Variants in CASP6 observed in about 807,000 individuals in gnomAD.
CASP6 encodes the protein caspase-6.
In CASP6, 20 loss-of-function variants were observed where a neutral mutation model predicts 31.8. The ratio of observed to expected loss-of-function variants is 0.63; its 90% CI spans 0.44 to 0.91. The LOEUF is 0.91. Ranked by LOEUF, CASP6 falls within the 40% of genes least tolerant of loss-of-function variation. CASP6 has a pLI of 0.00. For synonymous variants in CASP6, 130 were observed against 127.8 expected (o/e 1.02, Z -0.12); for missense variants, 328 against 361.1 (o/e 0.91, Z 0.74).
At chr4:109,682,319 G>T in the CASP6 span, among the ~76,000 whole-genome samples, 1 of 114,376 alleles carries the variant, frequency 8.7e-6, no homozygotes. Context: ...TCATTTTTTT[G>T]GTGACTTTTT....
upstream of CASP6, among the ~76,000 whole-genome samples, chr4:109,707,254 G>A (rs572783552): frequency 4.8e-4 from 73 of 152,284 alleles, no homozygotes; most frequent in Non-Finnish European, 7.9e-4. Flanking sequence ...CCCATAGGGG[G>A]TGGCATATAT....
At chr4:109,667,840 TAA>T in the CASP6 span, among the ~76,000 whole-genome samples, 3 of 151,776 alleles carry the variant, frequency 2.0e-5, no homozygotes, top group South Asian at 4.2e-4. Context: ...TAAATTTTGA[TAA>T]GTTGTATTTT....
At chr4:109,677,354 G>A in the CASP6 span, among the ~76,000 whole-genome samples, 1 of 152,118 alleles carries the variant, frequency 6.6e-6, no homozygotes, top group Non-Finnish European at 1.5e-5. Context: ...CTAGATTCTT[G>A]CCCATATCTG....
chr4:109,671,450 A>G, the CASP6 span, among the ~76,000 whole-genome samples: 4 of 152,112 alleles, frequency 2.6e-5, no homozygotes, highest in South Asian at 6.2e-4. Context: ...AGTTTGAGAA[A>G]GTTTCTGTTG....
At chr4:109,705,993 AAAAAAAAAATATATATATAT>A (rs1730591657), upstream of CASP6, among the ~76,000 whole-genome samples, 4 of 67,874 alleles carry the variant, frequency 5.9e-5, no homozygotes, top group African/African-American at 2.4e-4. Context: ...AAAAAAAAAA[AAAAAAAAAATATATATATAT>A]ATATATATAT....
chr4:109,691,082 T>C (rs2126156309), intron 5 of CASP6, 73 bp from the exon 6 acceptor site: 1 of 1,470,212 alleles, frequency 6.8e-7, no homozygotes, highest in Non-Finnish European at 9.1e-7. Context: ...GTGCAGTGAA[T>C]GTGTAAGCCA....
intron 1 of CASP6, among the ~76,000 whole-genome samples, chr4:109,700,380 C>T (rs973686964): frequency 1.3e-5 from 2 of 152,006 alleles, no homozygotes; most frequent in Admixed American, 1.3e-4. Flanking sequence ...ACGTTCTGGC[C>T]GGGCATAGTG....
At chr4:109,673,089 T>G in the CASP6 span, among the ~76,000 whole-genome samples, 2 of 152,230 alleles carry the variant, frequency 1.3e-5, no homozygotes, top group Non-Finnish European at 2.9e-5. Context: ...TCTTTTAACA[T>G]CAGGGCAGTA....
At chr4:109,667,380 C>T in the CASP6 span, among the ~76,000 whole-genome samples, 1 of 151,904 alleles carries the variant, frequency 6.6e-6, no homozygotes, top group Non-Finnish European at 1.5e-5. Flanking sequence ...TAGAGTTGTT[C>T]ATAGTATTTC....
upstream of CASP6, among the ~76,000 whole-genome samples, chr4:109,703,939 T>G (rs1185366413): frequency 6.6e-6 from 1 of 152,200 alleles, no homozygotes; most frequent in Non-Finnish European, 1.5e-5. Flanking sequence ...TATTTCAAAA[T>G]TTTTCATTGT....
chr4:109,682,145 T>G, the CASP6 span, among the ~76,000 whole-genome samples: 2 of 152,202 alleles, frequency 1.3e-5, no homozygotes, highest in Non-Finnish European at 2.9e-5. Flanking sequence ...CAGCTAGGCT[T>G]AGGGATTCTT....
chr4:109,685,131 T>C (rs570403160), downstream of CASP6: 32 of 601,376 alleles, frequency 5.3e-5, no homozygotes, highest in South Asian at 6.3e-4. Flanking sequence ...CCATTGCAAA[T>C]ATTTCACTCA....
At chr4:109,680,168 G>A in the CASP6 span, among the ~76,000 whole-genome samples, 1 of 152,144 alleles carries the variant, frequency 6.6e-6, no homozygotes. Context: ...TCTTTGAAAT[G>A]TTAACGTTCA....
chr4:109,686,138 G>A (rs1457070675), downstream of CASP6, among the ~76,000 whole-genome samples: 3 of 152,124 alleles, frequency 2.0e-5, no homozygotes, highest in African/African-American at 7.2e-5. Flanking sequence ...ATTGAAGGAC[G>A]TTTTAATTTA....
the CASP6 span, among the ~76,000 whole-genome samples, chr4:109,672,779 A>T: frequency 2.0e-5 from 3 of 152,172 alleles, no homozygotes; most frequent in Non-Finnish European, 4.4e-5. Flanking sequence ...GCTAACCATT[A>T]TCTGGTACAG....
At chr4:109,699,915 A>C (rs1484478254) in intron 1 of CASP6, among the ~76,000 whole-genome samples, 1 of 152,210 alleles carries the variant, frequency 6.6e-6, no homozygotes, top group Non-Finnish European at 1.5e-5. Context: ...ATAAAGAAAC[A>C]ATAACTTCAA....
the CASP6 span, chr4:109,682,595 T>G: frequency 1.2e-6 from 2 of 1,608,174 alleles, no homozygotes; most frequent in African/African-American, 1.3e-5. Context: ...AACCAAGTAA[T>G]GAGCACACTG....
the CASP6 span, among the ~76,000 whole-genome samples, chr4:109,675,233 G>A: frequency 2.0e-5 from 3 of 152,224 alleles, no homozygotes; most frequent in South Asian, 2.1e-4. Flanking sequence ...TGAAAGAGCA[G>A]AGCCAAGGGC....
chr4:109,685,217 ATGT>A (rs745996596), downstream of CASP6: 7 of 871,898 alleles, frequency 8.0e-6, no homozygotes, highest in East Asian at 4.8e-5. Flanking sequence ...CATTCAAAAC[ATGT>A]TGTTTTCTTC....
Sources: allele counts gnomAD v4.1 joint callset (sites outside exome capture counted in the v4.1 genomes callset), GRCh38; gene constraint gnomAD v4.1.1; transcripts MANE v1.5; gene names NCBI Gene and HGNC (gene_info 2026-07-23, HGNC 2026-07-21).